DPY19L1: variants seen among roughly 807,000 people sequenced by gnomAD.
DPY19L1 encodes the protein protein C-mannosyl-transferase DPY19L1.
A neutral mutation model predicts 96.9 loss-of-function variants in DPY19L1; 35 were observed. The observed-to-expected ratio is 0.36, with a 90% CI of 0.28 to 0.48. The LOEUF (loss-of-function observed/expected upper bound fraction) is 0.48, where lower values mean the gene tolerates loss of function less well. Ranked by LOEUF, DPY19L1 falls within the 20% of genes least tolerant of loss-of-function variation. DPY19L1 has a pLI of 0.99. For missense variants in DPY19L1, 521 were observed against 777.9 expected, an observed-to-expected ratio of 0.67 and a Z score of 3.93; for synonymous variants, 205 against 252.6, an observed-to-expected ratio of 0.81 and a Z score of 1.79.
At chr7:34,943,026 G>T (rs991475646) in intron 16 of DPY19L1, among the ~76,000 whole-genome samples, 2 of 152,180 alleles carry the variant, frequency 1.3e-5, no homozygotes, top group Non-Finnish European at 2.9e-5. Context: ...CTGAGTTCAA[G>T]GGAGAAGTCT....
chr7:35,024,508 C>T (rs545093482), intron 1 of DPY19L1, among the ~76,000 whole-genome samples: 7 of 152,248 alleles, frequency 4.6e-5, no homozygotes, highest in African/African-American at 1.7e-4. Context: ...AAGTCAATTT[C>T]GAAACATACA....
chr7:35,028,311 C>T (rs767106136), intron 1 of DPY19L1, among the ~76,000 whole-genome samples: 12 of 152,186 alleles, frequency 7.9e-5, no homozygotes, highest in Admixed American at 1.3e-4. Flanking sequence ...AAGGACAAAA[C>T]GATTTATTTT....
At chr7:34,984,947 A>G (rs1456292861) in intron 7 of DPY19L1, among the ~76,000 whole-genome samples, 1 of 152,164 alleles carries the variant, frequency 6.6e-6, no homozygotes, top group Non-Finnish European at 1.5e-5. Context: ...GATTGTTCAC[A>G]AGGATAGGAG....
At chr7:34,971,985 A>G (rs1480944330) in intron 8 of DPY19L1, among the ~76,000 whole-genome samples, 1 of 152,208 alleles carries the variant, frequency 6.6e-6, no homozygotes, top group Non-Finnish European at 1.5e-5. Context: ...GGTGGACCCA[A>G]TGTAACCACA....
intron 1 of DPY19L1, among the ~76,000 whole-genome samples, chr7:35,033,792 G>T (rs116617144): frequency 1.5e-4 from 23 of 152,094 alleles, no homozygotes; most frequent in African/African-American, 5.5e-4. Context: ...CAAGGTTCTC[G>T]TAAGCTGTAG....
intron 1 of DPY19L1, among the ~76,000 whole-genome samples, chr7:35,019,808 T>C (rs1239999717): frequency 1.3e-5 from 2 of 152,244 alleles, no homozygotes; most frequent in Non-Finnish European, 2.9e-5. Context: ...TATTGATCTT[T>C]TGAAATTTTA....
Position 35,026,068 on chromosome 7 carries a change from G to C in DPY19L1, c.299-7472C>G, listed in dbSNP as rs1473107337. ...GTATAAATCCAGGGCCCCTAAATCT[G>C]AACTCCAGGATTTTTTTTTTATATA... is the stretch of plus-strand genomic sequence containing the variant. On this transcript the variant is annotated intron_variant, in intron 1 of 21. Transcript: ENST00000638088. Among the ~76,000 whole-genome samples, 8 of 152,040 alleles carry C rather than the reference G, an allele frequency of 5.3e-5. No homozygotes were observed. The East Asian group carries it at 1.5e-3, about 29-fold the overall frequency.
At chr7:34,955,663 A>G (rs1284089148) in intron 11 of DPY19L1, among the ~76,000 whole-genome samples, 1 of 152,238 alleles carries the variant, frequency 6.6e-6, no homozygotes. Flanking sequence ...CATGAGGTAT[A>G]TAACATTTTC....
chr7:35,012,015 C>T (rs1416495822), intron 4 of DPY19L1, among the ~76,000 whole-genome samples: 1 of 152,236 alleles, frequency 6.6e-6, no homozygotes, highest in Admixed American at 6.5e-5. Context: ...CAGATTCCCT[C>T]TTCCGGGCTG....
intron 1 of DPY19L1, among the ~76,000 whole-genome samples, chr7:35,023,869 T>C (rs1320768342): frequency 6.8e-6 from 1 of 146,592 alleles, no homozygotes; most frequent in Non-Finnish European, 1.5e-5. Context: ...AGGGTCTTGC[T>C]CTGTCACCCA....
intron 1 of DPY19L1, among the ~76,000 whole-genome samples, chr7:35,019,898 A>G (rs1785951879): frequency 6.6e-6 from 1 of 152,104 alleles, no homozygotes; most frequent in Non-Finnish European, 1.5e-5. Flanking sequence ...CAGGCTCATG[A>G]CTATAATCCC....
intron 13 of DPY19L1, among the ~76,000 whole-genome samples, chr7:34,953,844 T>A (rs1185563229): frequency 6.6e-6 from 1 of 152,160 alleles, no homozygotes; most frequent in East Asian, 1.9e-4. Flanking sequence ...CTTGTTCTTA[T>A]GAAAACCTGT....
intron 1 of DPY19L1, among the ~76,000 whole-genome samples, chr7:35,026,045 A>G (rs1190644017): frequency 6.6e-6 from 1 of 152,220 alleles, no homozygotes; most frequent in Non-Finnish European, 1.5e-5. Flanking sequence ...GTGTCTGAGT[A>G]TAAATCCAGG....
intron 13 of DPY19L1, among the ~76,000 whole-genome samples, chr7:34,953,792 T>C (rs556674119): frequency 9.2e-5 from 14 of 152,188 alleles, no homozygotes; most frequent in Non-Finnish European, 1.8e-4. Flanking sequence ...GACCAACCAT[T>C]TAATGGTCCA....
intron 16 of DPY19L1, among the ~76,000 whole-genome samples, chr7:34,945,002 A>G (rs1268820857): frequency 1.3e-5 from 2 of 152,222 alleles, no homozygotes; most frequent in Admixed American, 6.5e-5. Flanking sequence ...TTCATTAGTC[A>G]TATGTAAATA....
At chr7:34,978,643 C>T (rs1784877725) in intron 7 of DPY19L1, among the ~76,000 whole-genome samples, 1 of 152,008 alleles carries the variant, frequency 6.6e-6, no homozygotes. Context: ...AATAAGTAAG[C>T]CTGGTTGCTT....
chr7:35,000,498 T>G (rs1785399871), intron 6 of DPY19L1: 1 of 152,188 alleles, frequency 6.6e-6, no homozygotes, highest in Non-Finnish European at 1.5e-5. Flanking sequence ...TGTCGTTAGT[T>G]CAATAAATGA....
intron 7 of DPY19L1, among the ~76,000 whole-genome samples, chr7:34,975,436 GA>G (rs1394122402): frequency 6.6e-6 from 1 of 152,196 alleles, no homozygotes; most frequent in East Asian, 1.9e-4. Flanking sequence ...GGAAGCTGCA[GA>G]AGAAAAGTTT....
At chr7:35,036,417 T>C (rs1786401093) in intron 1 of DPY19L1, among the ~76,000 whole-genome samples, 1 of 152,062 alleles carries the variant, frequency 6.6e-6, no homozygotes, top group South Asian at 2.1e-4. Context: ...AACTTTGTTT[T>C]TTTTTTTCAG....
Sources: allele counts gnomAD v4.1 joint callset (sites outside exome capture counted in the v4.1 genomes callset), GRCh38; gene constraint gnomAD v4.1.1; transcripts MANE v1.5; gene names NCBI Gene and HGNC (gene_info 2026-07-23, HGNC 2026-07-21).